The following COL13A1 variants were observed in gnomAD, a reference collection of about 807,000 sequenced individuals.
The protein encoded by COL13A1 is collagen alpha-1(XIII) chain.
In COL13A1, 89 loss-of-function variants were observed where a neutral mutation model predicts 130.9. The observed-to-expected ratio is 0.68, with a 90% CI of 0.57 to 0.81. COL13A1 has a LOEUF of 0.81. Among genes scored for constraint, COL13A1 ranks in the 30% least tolerant of loss-of-function variants. The pLI is 0.00. For synonymous variants in COL13A1, 402 were observed against 341.6 expected (o/e 1.18, Z -1.95); for missense variants, 879 against 934.6 (o/e 0.94, Z 0.78).
chr10:69,887,692 G>A (rs928764614), intron 8 of COL13A1, among the ~76,000 whole-genome samples: 1 of 152,186 alleles, frequency 6.6e-6, no homozygotes, highest in African/African-American at 2.4e-5. Context: ...AATAAATACA[G>A]GGGAGCAAAT....
intron 11 of COL13A1, 39 bp from the exon 12 acceptor site, chr10:69,894,636 G>A (rs371370620): frequency 5.5e-5 from 88 of 1,613,846 alleles, no homozygotes; most frequent in Non-Finnish European, 6.9e-5. Context: ...TGTGACCTTA[G>A]CTTTGGTTTC....
At chr10:69,912,590 G>A (rs2135411373) in intron 17 of COL13A1, among the ~76,000 whole-genome samples, 1 of 124,308 alleles carries the variant, frequency 8.0e-6, no homozygotes, top group East Asian at 2.7e-4. Flanking sequence ...ACACTCTCAG[G>A]CGGGCCTTCC....
At chr10:69,871,297 G>A (rs965873155) in intron 3 of COL13A1, among the ~76,000 whole-genome samples, 1 of 152,286 alleles carries the variant, frequency 6.6e-6, no homozygotes, top group African/African-American at 2.4e-5. Context: ...TCATTCATTC[G>A]TAAATGTGTC....
intron 25 of COL13A1, among the ~76,000 whole-genome samples, 164 bp downstream of exon 25, chr10:69,925,171 T>A (rs1270445027): frequency 6.6e-6 from 1 of 152,178 alleles, no homozygotes; most frequent in African/African-American, 2.4e-5. Context: ...TTTTGAGGGC[T>A]TCAATATTTA....
chr10:69,820,729 C>T (rs867292075), intron 1 of COL13A1, among the ~76,000 whole-genome samples: 2 of 152,158 alleles, frequency 1.3e-5, no homozygotes, highest in African/African-American at 2.4e-5. Context: ...ACCTTGATCT[C>T]GGCCCCCTTC....
chr10:69,901,435 T>C (rs2062172456), intron 14 of COL13A1, among the ~76,000 whole-genome samples: 1 of 152,182 alleles, frequency 6.6e-6, no homozygotes, highest in African/African-American at 2.4e-5. Context: ...ACCACTTCCC[T>C]CTAGAGTTTG....
Position 69,894,656 on chromosome 10 carries a change from C to T in COL13A1, c.631-19C>T, listed in dbSNP as rs201828237. ...CCTTAGCTTTGGTTTCTAACTCTCT[C>T]ATCTCCGTCTCTTTGTAGGGACCCC... On this transcript the variant is annotated intron_variant, in intron 11 of 40. Transcript: ENST00000645393. 410 of 1,614,034 alleles carry T rather than the reference C, an allele frequency of 2.5e-4. No homozygotes were observed. Among genetic ancestry groups the T allele is most frequent in the Middle Eastern group, 3.3e-4 (2 of 6,062 alleles).
rs760061618 is a variant in COL13A1, at chr10:69,937,685, A to C, written c.1848A>C (p.Glu616Asp). Reference protein sequence around the residue: ...GAKGEKGFQGEKGDRGPLGLP... With the variant: ...GAKGEKGFQGDKGDRGPLGLP... The stretch of plus-strand genomic sequence containing the variant: ...AAGGAGAGAAAGGCTTCCAGGGAGA[A>C]AAAGGAGACCGTGGTCCCCTGGGAC... The change falls in exon 34 of 41, where the codon GAA becomes GAC. Residue 616 changes from glutamate (E) to aspartate (D), a missense_variant. Glu to Asp is a conservative substitution (Grantham distance 45). This residue lies in a region of COL13A1 where 96 missense variants were observed against 147.7 expected (regional missense o/e 0.65). Transcript: ENST00000645393. The C allele has an allele frequency of 8.8e-6, 14 of 1,586,892 alleles. No individual in the cohort carries two copies. The highest frequency in any genetic ancestry group is 1.0e-5 in the Non-Finnish European group (12 of 1,155,286).
At chr10:69,851,818 C>G (rs1854922711) in intron 2 of COL13A1, among the ~76,000 whole-genome samples, 2 of 152,136 alleles carry the variant, frequency 1.3e-5, no homozygotes, top group South Asian at 4.1e-4. Context: ...CCATCCCCAG[C>G]TAGTTTTTGT....
rs1206584348 is a variant in COL13A1 at position 69,953,395 on chromosome 10, T to C, written c.2145+427T>C. On this transcript the variant is annotated intron_variant, in intron 39 of 40. Transcript: ENST00000645393. ...TGTCTGAATCCTCACTTGATCAGGA[T>C]GCAGGACACCAGAGTTAGCGTCTCC... is the stretch of plus-strand genomic sequence containing the variant. 3.3e-5 allele frequency among the ~76,000 whole-genome samples: 5 copies of C among 152,202 alleles called. 1 individual carries two copies. The highest frequency in any genetic ancestry group is 2.4e-5 in the African/African-American group (1 of 41,448).
rs764986358 is a variant in COL13A1 at position 69,880,511 on chromosome 10, C to G, written c.471C>G (p.Pro157=). The change falls in exon 7 of 41, where the codon CCC becomes CCG. Residue 157 remains proline (P), a synonymous_variant. Coordinates refer to ENST00000645393, the MANE Select transcript of COL13A1 (RefSeq NM_001368882.1). The part of the protein sequence containing the change: ...VKGQPGEKGS[P]GDAGLSIIGP... ...TTCCTCTCTCCCCGCAGGGGTCCCC[C>G]GGAGACGCTGGGCTGTCCATCATTG... 2 of 1,612,376 alleles carry G rather than the reference C, an allele frequency of 1.2e-6. No individual in the cohort carries two copies. Among genetic ancestry groups the G allele is most frequent in the Non-Finnish European group, 1.7e-6 (2 of 1,178,620 alleles).
Position 69,932,554 on chromosome 10 carries a change from C to T in COL13A1, c.1684-6C>T. On this transcript the variant is annotated splice_region_variant and splice_polypyrimidine_tract_variant and intron_variant, in intron 30 of 40. Transcript: ENST00000645393. ...GCATTCATGCAGTGGTGTTTTGTGCCCACAGGGAGAGAAAGGAGAAGCCGG... is the reference window on the plus strand; with the variant it reads ...GCATTCATGCAGTGGTGTTTTGTGCTCACAGGGAGAGAAAGGAGAAGCCGG... 1 of 1,609,584 alleles carries T rather than the reference C, an allele frequency of 6.2e-7. No individual in the cohort carries two copies. Among genetic ancestry groups the T allele is most frequent in the Non-Finnish European group, 8.5e-7 (1 of 1,176,334 alleles).
intron 10 of COL13A1, among the ~76,000 whole-genome samples, chr10:69,891,565 C>A (rs893828095): frequency 6.6e-6 from 1 of 152,178 alleles, no homozygotes; most frequent in South Asian, 2.1e-4. Context: ...AAATGCATTT[C>A]CCCCCGCCCC....
chr10:69,884,792 G>A (rs190762515), intron 7 of COL13A1, among the ~76,000 whole-genome samples: 426 of 152,242 alleles, frequency 2.8e-3, no homozygotes, highest in Non-Finnish European at 5.1e-3. Flanking sequence ...AATTCTACTA[G>A]ATATCAAAAT....
chr10:69,900,974 C>T (rs953485482), intron 14 of COL13A1, among the ~76,000 whole-genome samples: 1 of 152,198 alleles, frequency 6.6e-6, no homozygotes, highest in Non-Finnish European at 1.5e-5. Context: ...AAGCCTCCCC[C>T]ATCTTGTGAA....
At chr10:69,900,317 T>A (rs1161758118) in intron 14 of COL13A1, among the ~76,000 whole-genome samples, 2 of 152,210 alleles carry the variant, frequency 1.3e-5, no homozygotes, top group Non-Finnish European at 2.9e-5. Flanking sequence ...ATGCAAATTA[T>A]CTCATGCATT....
intron 27 of COL13A1, among the ~76,000 whole-genome samples, chr10:69,927,730 A>T (rs1316271085): frequency 6.6e-6 from 1 of 152,202 alleles, no homozygotes; most frequent in Non-Finnish European, 1.5e-5. Context: ...ATATTTTTTC[A>T]TGGCTGTGAG....
chr10:69,861,082 C>G (rs2395278), intron 2 of COL13A1, among the ~76,000 whole-genome samples: 104,460 of 151,926 alleles, frequency 0.69, 36,760 homozygotes, highest in East Asian at 0.96. Flanking sequence ...GTAACCCCGG[C>G]TGCTGGGCAT....
At position 69,875,127 on chromosome 10, in the gene COL13A1, G is replaced by T; in HGVS notation, c.400-1G>T. 1 of 1,613,992 alleles carries T rather than the reference G, an allele frequency of 6.2e-7. No individual in the cohort carries two copies. Among genetic ancestry groups the T allele is most frequent in the Non-Finnish European group, 8.5e-7 (1 of 1,179,882 alleles). ...ACTGTTTCTGCCTCCTTCATCATCAGGGGGACAAAGGTGCCATTGGGATGC... is the reference window on the plus strand; with the variant it reads ...ACTGTTTCTGCCTCCTTCATCATCATGGGGACAAAGGTGCCATTGGGATGC... On this transcript the variant is annotated splice_acceptor_variant, in intron 4 of 40. Transcript: ENST00000645393. LOFTEE classifies it high-confidence loss of function.
Sources: allele counts gnomAD v4.1 joint callset (sites outside exome capture counted in the v4.1 genomes callset), GRCh38; gene constraint gnomAD v4.1.1; regional missense constraint gnomAD v4.1.1; transcripts MANE v1.5; gene names NCBI Gene and HGNC (gene_info 2026-07-23, HGNC 2026-07-21).